The following SIPA1L3 variants were observed in gnomAD, a reference collection of about 807,000 sequenced individuals.
SIPA1L3 encodes signal induced proliferation associated 1 like 3, also known as signal-induced proliferation-associated 1-like protein 3.
Under a neutral mutation model 150.1 loss-of-function variants are expected in SIPA1L3, and 59 were observed. The observed-to-expected ratio is 0.39, with a 90% confidence interval of 0.32 to 0.49. The LOEUF (loss-of-function observed/expected upper bound fraction) is 0.49. Among genes scored for constraint, SIPA1L3 ranks in the 20% least tolerant of loss-of-function variants. SIPA1L3 has a pLI of 0.86. For synonymous variants in SIPA1L3, 1,070 were observed against 1,077.6 expected (o/e 0.99, Z 0.14); for missense variants, 2,211 against 2,489.5 (o/e 0.89, Z 2.38).
intron 1 of SIPA1L3, among the ~76,000 whole-genome samples, chr19:38,001,704 A>C (rs1408260103): frequency 6.6e-6 from 1 of 152,262 alleles, no homozygotes; most frequent in Non-Finnish European, 1.5e-5. Flanking sequence ...CTGGGATCAC[A>C]GGCATGAGCC....
intron 8 of SIPA1L3, among the ~76,000 whole-genome samples, chr19:38,116,479 C>T (rs1236867937): frequency 6.9e-5 from 10 of 144,504 alleles, no homozygotes; most frequent in African/African-American, 2.1e-4. Context: ...GCCGAGATCG[C>T]GCCACTGCAA....
intron 1 of SIPA1L3, among the ~76,000 whole-genome samples, chr19:37,911,962 C>T (rs976968295): frequency 1.9e-4 from 29 of 152,050 alleles, no homozygotes; most frequent in African/African-American, 6.7e-4. Context: ...GTCCCAGCTG[C>T]TCAGGAGGCT....
Position 38,082,699 on chromosome 19 carries a change from C to T in SIPA1L3, c.1134C>T (p.Ala378=), listed in dbSNP as rs377325227. ...TTTGASAASA[A]SAMASLTASR... Reference sequence around the variant, plus strand: ...CGGGTGCTTCGGCCGCTTCCGCCGCCTCGGCCATGGCCTCCCTCACGGCCT... The same window carrying T: ...CGGGTGCTTCGGCCGCTTCCGCCGCTTCGGCCATGGCCTCCCTCACGGCCT... The change falls in exon 3 of 22, where the codon GCC becomes GCT. Residue 378 remains alanine, a synonymous_variant. Coordinates refer to ENST00000222345, the MANE Select transcript of SIPA1L3 (RefSeq NM_015073.3). The T allele has an allele frequency of 9.3e-6, 15 of 1,610,296 alleles. No individual in the cohort carries two copies. Among genetic ancestry groups the T allele is most frequent in the Non-Finnish European group, 1.3e-5 (15 of 1,178,970 alleles).
chr19:38,107,652 C>T (rs998516816), intron 7 of SIPA1L3, among the ~76,000 whole-genome samples: 1 of 152,170 alleles, frequency 6.6e-6, no homozygotes, highest in African/African-American at 2.4e-5. Context: ...TATTGATTTC[C>T]TAAGGTTCAT....
At chr19:38,125,539 A>AC (rs1230313371) in intron 9 of SIPA1L3, among the ~76,000 whole-genome samples, 2 of 139,118 alleles carry the variant, frequency 1.4e-5, no homozygotes, top group African/African-American at 2.7e-5. Flanking sequence ...CCATACCCCC[A>AC]CCCCCACCCC....
intron 13 of SIPA1L3, among the ~76,000 whole-genome samples, chr19:38,153,298 C>T (rs1243810727): frequency 1.3e-5 from 2 of 152,238 alleles, no homozygotes; most frequent in African/African-American, 2.4e-5. Context: ...AGGAGCAGGA[C>T]TGGCTGCGTC....
Position 38,046,485 on chromosome 19 carries a change from T to C in SIPA1L3, c.-311+17329T>C, listed in dbSNP as rs1969060108. ...GATCAACGTGCTTCTCTCGGTTCCC[T>C]GTTCTGGGCCCTGCCCTGGAAAGAG... On this transcript the variant is annotated intron_variant, in intron 2 of 21. Coordinates refer to ENST00000222345, the MANE Select transcript of SIPA1L3 (RefSeq NM_015073.3). The surrounding 1 kb of genome is among the most constrained non-coding windows in gnomAD (Gnocchi z 5.6). Among the ~76,000 whole-genome samples, 1 of 152,152 alleles carries C rather than the reference T, an allele frequency of 6.6e-6. No individual in the cohort carries two copies. Among genetic ancestry groups the C allele is most frequent in the Non-Finnish European group, 1.5e-5 (1 of 68,012 alleles).
At chr19:38,057,930 G>A (rs367716631) in intron 2 of SIPA1L3, among the ~76,000 whole-genome samples, 7 of 152,016 alleles carry the variant, frequency 4.6e-5, no homozygotes, top group Admixed American at 2.0e-4. Context: ...CCAAAGTGCC[G>A]GGATTACAGG....
chr19:38,104,470 C>T (rs564852561), intron 6 of SIPA1L3, among the ~76,000 whole-genome samples: 15 of 152,310 alleles, frequency 9.8e-5, no homozygotes, highest in Non-Finnish European at 1.6e-4. Context: ...CCCAGAGCTC[C>T]GCCAGCGTGG....
At chr19:38,030,470 G>A (rs558994720) in intron 2 of SIPA1L3, among the ~76,000 whole-genome samples, 116 of 152,082 alleles carry the variant, frequency 7.6e-4, no homozygotes, top group South Asian at 2.5e-3. Context: ...CTAAAGTGGA[G>A]GGTCACCTGA....
chr19:37,976,919 C>T (rs763758674), intron 1 of SIPA1L3, among the ~76,000 whole-genome samples: 30 of 152,194 alleles, frequency 2.0e-4, no homozygotes, highest in Admixed American at 2.0e-4. Context: ...ACTGCAGCCT[C>T]AACCTCTTGG....
intron 1 of SIPA1L3, among the ~76,000 whole-genome samples, chr19:37,941,389 A>G (rs1332810125): frequency 6.6e-6 from 1 of 150,814 alleles, no homozygotes; most frequent in Non-Finnish European, 1.5e-5. Context: ...GCTCTTTTGA[A>G]CTTTTGTTTG....
chr19:38,098,846 C>A (rs1373324757), intron 4 of SIPA1L3, among the ~76,000 whole-genome samples: 1 of 152,210 alleles, frequency 6.6e-6, no homozygotes, highest in Non-Finnish European at 1.5e-5. Flanking sequence ...CCTGACTGCA[C>A]ATCAGAAGCA....
At chr19:38,146,045 A>G (rs1375529729) in intron 12 of SIPA1L3, among the ~76,000 whole-genome samples, 1 of 152,110 alleles carries the variant, frequency 6.6e-6, no homozygotes, top group Non-Finnish European at 1.5e-5. Context: ...CTTTTCTTTC[A>G]TAGAGACAAG....
intron 1 of SIPA1L3, among the ~76,000 whole-genome samples, chr19:37,957,484 T>G (rs2046820909): frequency 6.6e-6 from 1 of 152,218 alleles, no homozygotes. Context: ...AGTGTACAAG[T>G]CTACACTTAT....
At chr19:38,065,053 G>A (rs1045137949) in intron 2 of SIPA1L3, among the ~76,000 whole-genome samples, 4 of 152,204 alleles carry the variant, frequency 2.6e-5, no homozygotes, top group African/African-American at 7.2e-5. Context: ...CTACGCAGGC[G>A]TGTAATCATA....
intron 13 of SIPA1L3, among the ~76,000 whole-genome samples, chr19:38,161,166 AC>A (rs1184566386): frequency 6.7e-6 from 1 of 150,160 alleles, no homozygotes; most frequent in African/African-American, 2.5e-5. Flanking sequence ...AGATGGTGAA[AC>A]CCCGTCTCTA....
intron 18 of SIPA1L3, among the ~76,000 whole-genome samples, chr19:38,195,830 C>T (rs573190270): frequency 1.3e-3 from 181 of 143,828 alleles, no homozygotes; most frequent in African/African-American, 4.3e-3. Context: ...CACCCCCCTC[C>T]GTCCCTACTC....
intron 16 of SIPA1L3, chr19:38,186,319 T>C (rs1972676459): frequency 6.6e-6 from 1 of 152,016 alleles, no homozygotes; most frequent in Non-Finnish European, 1.5e-5. Context: ...TTTATTTTAT[T>C]TATTTATTTT....
Sources: allele counts gnomAD v4.1 joint callset (sites outside exome capture counted in the v4.1 genomes callset), GRCh38; gene constraint gnomAD v4.1.1; non-coding constraint Gnocchi (gnomAD v3.1); transcripts MANE v1.5; gene names NCBI Gene and HGNC (gene_info 2026-07-23, HGNC 2026-07-21).